The following KLHL14 variants were observed in gnomAD, a reference collection of about 807,000 sequenced individuals.
KLHL14 encodes the protein kelch like family member 14, also known as kelch-like protein 14.
Under a neutral mutation model 64.3 loss-of-function variants are expected in KLHL14, and 22 were observed. The observed-to-expected ratio is 0.34, with a 90% CI of 0.24 to 0.49. The LOEUF (loss-of-function observed/expected upper bound fraction) is 0.49. Ranked by LOEUF, KLHL14 falls within the 20% of genes least tolerant of loss-of-function variation. The pLI is 0.99. For missense variants in KLHL14, 661 were observed against 789.0 expected (o/e 0.84, Z 1.94); for synonymous variants, 322 against 333.4 (o/e 0.97, Z 0.37).
chr18:32,756,972 G>T (rs1000345560), intron 2 of KLHL14, among the ~76,000 whole-genome samples: 1 of 152,146 alleles, frequency 6.6e-6, no homozygotes, highest in Non-Finnish European at 1.5e-5. Flanking sequence ...ATAATACCTT[G>T]TCTCCCTGAA....
At chr18:32,686,012 CT>C (rs5823856) in intron 5 of KLHL14, among the ~76,000 whole-genome samples, 5,078 of 138,344 alleles carry the variant, frequency 0.037, 191 homozygotes, top group African/African-American at 0.1. Flanking sequence ...CTTTTTCTTT[CT>C]TTTTTTTTTT....
chr18:32,767,163 C>T (rs1304414926), intron 2 of KLHL14, among the ~76,000 whole-genome samples: 3 of 152,034 alleles, frequency 2.0e-5, no homozygotes, highest in African/African-American at 7.2e-5. Flanking sequence ...CACATTTATC[C>T]CCGTTAAATG....
chr18:32,763,781 A>G (rs1293266946), intron 2 of KLHL14, among the ~76,000 whole-genome samples: 2 of 152,188 alleles, frequency 1.3e-5, no homozygotes, highest in African/African-American at 4.8e-5. Context: ...GTCTATCTCA[A>G]TTATATTTAA....
chr18:32,722,354 G>A (rs752864077), intron 3 of KLHL14, among the ~76,000 whole-genome samples: 1 of 152,134 alleles, frequency 6.6e-6, no homozygotes, highest in Non-Finnish European at 1.5e-5. Flanking sequence ...AGCCCAATAT[G>A]CTGTGAGCAA....
chr18:32,765,843 G>A (rs1044014210), intron 2 of KLHL14, among the ~76,000 whole-genome samples: 1 of 152,074 alleles, frequency 6.6e-6, no homozygotes, highest in Non-Finnish European at 1.5e-5. Flanking sequence ...ATTAATTTAT[G>A]AGAAATCTAT....
intron 3 of KLHL14, among the ~76,000 whole-genome samples, chr18:32,710,322 C>A (rs1020782626): frequency 2.6e-5 from 4 of 152,138 alleles, no homozygotes; most frequent in African/African-American, 9.7e-5. Flanking sequence ...TACTACAGAA[C>A]TGAATCAAAA....
chr18:32,742,907 C>T (rs2050205999), intron 2 of KLHL14: 1 of 152,310 alleles, frequency 6.6e-6, no homozygotes. Flanking sequence ...CAATTCGCTG[C>T]TATTAACCGT....
At chr18:32,693,399 CACACACACACACACAGAGAGAGAG>C (rs1367877621) in intron 4 of KLHL14, among the ~76,000 whole-genome samples, 9 of 120,526 alleles carry the variant, frequency 7.5e-5, no homozygotes, top group African/African-American at 2.5e-4. Context: ...CACACACACA[CACACACACACACACAGAGAGAGAG>C]AGAGAGAGAG....
chr18:32,731,714 G>A (rs916424161), intron 3 of KLHL14, among the ~76,000 whole-genome samples: 5 of 151,608 alleles, frequency 3.3e-5, no homozygotes, highest in Non-Finnish European at 7.4e-5. Context: ...TGAGATCTAC[G>A]TGTATATATC....
chr18:32,711,880 T>C (rs1293126282), intron 3 of KLHL14, among the ~76,000 whole-genome samples: 3 of 152,204 alleles, frequency 2.0e-5, no homozygotes, highest in African/African-American at 4.8e-5. Flanking sequence ...TTCAGCCCCA[T>C]GTGAAAACCC....
chr18:32,702,908 A>G (rs929962050), intron 3 of KLHL14, among the ~76,000 whole-genome samples: 7 of 152,126 alleles, frequency 4.6e-5, no homozygotes, highest in African/African-American at 1.4e-4. Flanking sequence ...TATAAATCTA[A>G]AAAAAAGTGC....
chr18:32,752,180 C>A (rs1345465092), intron 2 of KLHL14, among the ~76,000 whole-genome samples: 1 of 152,080 alleles, frequency 6.6e-6, no homozygotes, highest in Non-Finnish European at 1.5e-5. Context: ...AATAGGTGGG[C>A]AGACTAAAAG....
chr18:32,722,217 T>C (rs2050083360), intron 3 of KLHL14, among the ~76,000 whole-genome samples: 1 of 152,200 alleles, frequency 6.6e-6, no homozygotes, highest in South Asian at 2.1e-4. Flanking sequence ...GTCTTAGATA[T>C]GTCTCTATTA....
intron 7 of KLHL14, among the ~76,000 whole-genome samples, chr18:32,678,560 T>A (rs1421502138): frequency 6.6e-6 from 1 of 152,178 alleles, no homozygotes. Flanking sequence ...ACACTTAGAA[T>A]GAGCACTTGG....
At chr18:32,708,718 T>G (rs1023222569) in intron 3 of KLHL14, among the ~76,000 whole-genome samples, 5 of 151,952 alleles carry the variant, frequency 3.3e-5, no homozygotes, top group African/African-American at 1.2e-4. Context: ...TTGCGAGGGG[T>G]TTTCACACTG....
At chr18:32,701,040 C>A (rs2049963936) in intron 3 of KLHL14, among the ~76,000 whole-genome samples, 1 of 152,158 alleles carries the variant, frequency 6.6e-6, no homozygotes, top group South Asian at 2.1e-4. Context: ...CAGACCAGTG[C>A]AGTGTGGAAG....
At chr18:32,739,864 G>A (rs2050186767) in intron 3 of KLHL14, among the ~76,000 whole-genome samples, 1 of 152,148 alleles carries the variant, frequency 6.6e-6, no homozygotes, top group Non-Finnish European at 1.5e-5. Context: ...AGCTTGCATT[G>A]ATTGACTGAT....
Position 32,772,887 on chromosome 18 carries a change from G to A in KLHL14, c.-264C>T, listed in dbSNP as rs976445217. 1 of 157,260 alleles carries A rather than the reference G, an allele frequency of 6.4e-6. No homozygotes were observed. Among genetic ancestry groups the A allele is most frequent in the Admixed American group, 6.3e-5 (1 of 15,766 alleles). 9.7% of individuals were successfully genotyped at this position (157,260 alleles called of 1,614,324 possible). On this transcript the variant is annotated 5_prime_UTR_variant, in exon 1 of 9. Coordinates refer to ENST00000359358, the MANE Select transcript of KLHL14 (RefSeq NM_020805.3). ...GTAGGAGAGGGAGAAAAGAGAGAAA[G>A]AGAGAGGGAGAGAGAGAGGGAGCAG...
intron 3 of KLHL14, among the ~76,000 whole-genome samples, chr18:32,722,989 A>G (rs1054882087): frequency 2.6e-5 from 4 of 152,070 alleles, no homozygotes; most frequent in African/African-American, 9.7e-5. Context: ...AAAACCTAAC[A>G]GGCGTGGTCA....
Sources: gnomAD v4.1 joint callset for allele counts (sites outside exome capture counted in the v4.1 genomes callset) on GRCh38, gnomAD v4.1.1 for gene constraint, MANE v1.5 for transcripts, NCBI Gene and HGNC (gene_info 2026-07-23, HGNC 2026-07-21) for gene names.